XXYLT1: variants seen among roughly 807,000 people sequenced by gnomAD.
XXYLT1 encodes UDP-xylose:alpha-xyloside alpha-1,3-xylosyltransferase.
A neutral mutation model predicts 28.9 loss-of-function variants in XXYLT1; 20 were observed. That is an observed-to-expected ratio of 0.69 (90% CI 0.49 to 1.00). XXYLT1 has a LOEUF of 1.00. XXYLT1 is among the 50% of genes least tolerant of loss of function. The pLI is 0.00. For synonymous variants in XXYLT1, 257 were observed against 253.8 expected (o/e 1.01, Z -0.12); for missense variants, 542 against 560.1 (o/e 0.97, Z 0.33).
At chr3:195,218,091 T>C (rs531642012) in intron 2 of XXYLT1, among the ~76,000 whole-genome samples, 5,474 of 147,950 alleles carry the variant, frequency 0.037, 273 homozygotes, top group African/African-American at 0.14. Flanking sequence ...TAAATGGTGC[T>C]GGGAAAACTG....
intron 1 of XXYLT1, among the ~76,000 whole-genome samples, chr3:195,259,857 GA>G (rs566256153): frequency 1.4e-4 from 22 of 152,348 alleles, no homozygotes; most frequent in African/African-American, 5.3e-4. Flanking sequence ...GTGTGACGGG[GA>G]CCGGGCGGAC....
At position 195,121,068 on chromosome 3, in the gene XXYLT1, G is replaced by A. The variant is rs576801312; in HGVS notation, c.785+35381C>T. The stretch of plus-strand genomic sequence containing the variant: ...CACCTAGCCTGCTGCTGCCTCCTCC[G>A]TGAGCACCCCCATGCTCCCAGGGCC... On this transcript the variant is annotated intron_variant, in intron 3 of 3. Coordinates refer to ENST00000310380, the MANE Select transcript of XXYLT1 (RefSeq NM_152531.5). Among the ~76,000 whole-genome samples, 23 of 152,268 alleles carry A rather than the reference G, an allele frequency of 1.5e-4. No individual in the cohort carries two copies. The South Asian group carries it at 2.1e-3, about 14-fold the overall frequency.
intron 3 of XXYLT1, among the ~76,000 whole-genome samples, chr3:195,139,325 G>A (rs1285149098): frequency 6.6e-6 from 1 of 151,624 alleles, no homozygotes; most frequent in East Asian, 1.9e-4. Context: ...CAGAGAGTCT[G>A]GCTAAGACCT....
In XXYLT1 at chr3:195,150,680, G is replaced by A. The variant is rs1720156650; in HGVS notation, c.785+5769C>T. 6.6e-6 allele frequency among the ~76,000 whole-genome samples: 1 copy of A among 152,126 alleles called. No individual in the cohort carries two copies. The highest frequency in any genetic ancestry group is 1.5e-5 in the Non-Finnish European group (1 of 68,032). ...GAGCCTGGGGAGAATGAAACCGGAA[G>A]CCTATGCCGCCACCAACAAGCTCCC... On this transcript the variant is annotated intron_variant, in intron 3 of 3. Coordinates refer to ENST00000310380, the MANE Select transcript of XXYLT1 (RefSeq NM_152531.5). The surrounding 1 kb of genome is among the most constrained non-coding windows in gnomAD (Gnocchi z 4.7).
intron 2 of XXYLT1, among the ~76,000 whole-genome samples, chr3:195,202,889 A>AT (rs537359258): frequency 7.2e-5 from 11 of 152,150 alleles, no homozygotes; most frequent in African/African-American, 2.7e-4. Context: ...TCACAAGATA[A>AT]TTTTTTTTAA....
At chr3:195,208,401 C>A (rs925163122) in intron 2 of XXYLT1, among the ~76,000 whole-genome samples, 2 of 152,100 alleles carry the variant, frequency 1.3e-5, no homozygotes, top group Non-Finnish European at 2.9e-5. Flanking sequence ...ACTGCCCACA[C>A]GCCTGCCGAA....
At chr3:195,244,107 C>T (rs555733567) in intron 1 of XXYLT1, among the ~76,000 whole-genome samples, 2 of 152,216 alleles carry the variant, frequency 1.3e-5, no homozygotes, top group Admixed American at 1.3e-4. Context: ...GTAACCAGAC[C>T]TGCAATGAAC....
At chr3:195,160,847 T>C (rs1720835480) in intron 2 of XXYLT1, among the ~76,000 whole-genome samples, 1 of 152,232 alleles carries the variant, frequency 6.6e-6, no homozygotes, top group African/African-American at 2.4e-5. Context: ...GATGTGCGGT[T>C]GGAATTGGCG....
chr3:195,117,602 G>A (rs1427464438), intron 3 of XXYLT1, among the ~76,000 whole-genome samples: 1 of 151,242 alleles, frequency 6.6e-6, no homozygotes, highest in Non-Finnish European at 1.5e-5. Context: ...GTGTGGAGTA[G>A]GGGTCGGGGT....
Position 195,226,738 on chromosome 3 carries a change from G to C in XXYLT1, c.623C>G (p.Ser208Trp), listed in dbSNP as rs367727409. ...GGGCATGATCTGATGCATGGCGACC[G>C]AGAGGAAGAAGATGGAGTCACTGTA... ...TYYSDSIFFL[S>W]VAMHQIMPKE... is the part of the protein sequence containing the mutation. The change falls in exon 2 of 4, where the codon TCG (serine) becomes TGG (tryptophan). Residue 208 changes from serine to tryptophan, a missense_variant. Physicochemically the swap from Ser to Trp is radical, Grantham distance 177. Transcript: ENST00000310380. The C allele has an allele frequency of 6.2e-7, 1 of 1,613,862 alleles. No homozygotes were observed. Among genetic ancestry groups the C allele is most frequent in the Non-Finnish European group, 8.5e-7 (1 of 1,179,956 alleles).
intron 3 of XXYLT1, among the ~76,000 whole-genome samples, chr3:195,112,643 A>T (rs1717825609): frequency 6.8e-6 from 1 of 148,128 alleles, no homozygotes; most frequent in African/African-American, 2.5e-5. Flanking sequence ...CCCCATGCAC[A>T]CACGCAGCTC....
rs1723276142 is a variant in XXYLT1, at chr3:195,210,710, A to G, written c.652+15999T>C. On this transcript the variant is annotated intron_variant, in intron 2 of 3. Coordinates refer to ENST00000310380, the MANE Select transcript of XXYLT1 (RefSeq NM_152531.5). This position sits in a 1 kb window ranked among gnomAD's most constrained non-coding sequence, Gnocchi z 4.8. ...ATTTGCTCAGCTGTCCCTCTTCAGAATAAGAGAACCGAAATGCCTCAAATT... is the reference window on the plus strand; with the variant it reads ...ATTTGCTCAGCTGTCCCTCTTCAGAGTAAGAGAACCGAAATGCCTCAAATT... Among the ~76,000 whole-genome samples the G allele has an allele frequency of 6.6e-6, 1 of 152,232 alleles. No individual in the cohort carries two copies. The highest frequency in any genetic ancestry group is 1.5e-5 in the Non-Finnish European group (1 of 68,038).
intron 1 of XXYLT1, among the ~76,000 whole-genome samples, chr3:195,258,826 G>A (rs1194351053): frequency 6.6e-6 from 1 of 152,196 alleles, no homozygotes; most frequent in African/African-American, 2.4e-5. Flanking sequence ...GTCAGAGAAG[G>A]AAAAAACACC....
intron 1 of XXYLT1, among the ~76,000 whole-genome samples, chr3:195,245,461 T>C (rs1293100004): frequency 1.3e-5 from 2 of 152,044 alleles, no homozygotes; most frequent in Non-Finnish European, 1.5e-5. Context: ...CTGGCCCAAT[T>C]CATCTTCTTC....
At chr3:195,147,059 T>C (rs1285877201) in intron 3 of XXYLT1, 1 of 153,678 alleles carries the variant, frequency 6.5e-6, no homozygotes, top group Non-Finnish European at 1.5e-5. Context: ...AATTTACAGT[T>C]CCTACAGCAA....
intron 1 of XXYLT1, chr3:195,270,200 CA>C: frequency 3.8e-6 from 2 of 529,134 alleles, no homozygotes; most frequent in South Asian, 1.6e-5. Context: ...CCTCAGAAGT[CA>C]AAAACTGAGG....
At chr3:195,247,169 G>C (rs1207035763) in intron 1 of XXYLT1, among the ~76,000 whole-genome samples, 2 of 152,218 alleles carry the variant, frequency 1.3e-5, no homozygotes, top group Non-Finnish European at 2.9e-5. Context: ...AGGAGGGGAA[G>C]AGGTATGGCA....
intron 2 of XXYLT1, among the ~76,000 whole-genome samples, chr3:195,184,008 C>T (rs141794442): frequency 6.6e-6 from 1 of 152,288 alleles, no homozygotes; most frequent in Non-Finnish European, 1.5e-5. Flanking sequence ...TGTTAGAATA[C>T]AGGCTGAATT....
chr3:195,069,871 G>GGGGTGCTCCATGCCGATCATGGTGA lies in XXYLT1; in HGVS notation c.1001_1025dup (p.Lys343HisfsTer33). The GGGGTGCTCCATGCCGATCATGGTGA allele has an allele frequency of 6.2e-7, 1 of 1,614,174 alleles. No homozygotes were observed. The highest frequency in any genetic ancestry group is 1.7e-5 in the Admixed American group (1 of 60,036). ...TACAGTCCAGCACATGGAAGAGCTTGGGGTGCTCCATGCCGATCATGGTGA... is the reference window on the plus strand; with the variant it reads ...TACAGTCCAGCACATGGAAGAGCTTGGGGTGCTCCATGCCGATCATGGTGAGGGTGCTCCATGCCGATCATGGTGA... On this transcript the variant is annotated frameshift_variant, in exon 4 of 4. Coordinates refer to ENST00000310380, the MANE Select transcript of XXYLT1 (RefSeq NM_152531.5). LOFTEE classifies it high-confidence loss of function.
Sources: allele counts gnomAD v4.1 joint callset (sites outside exome capture counted in the v4.1 genomes callset), GRCh38; gene constraint gnomAD v4.1.1; non-coding constraint Gnocchi (gnomAD v3.1); transcripts MANE v1.5; gene names NCBI Gene and HGNC (gene_info 2026-07-23, HGNC 2026-07-21).